The following CHST8 variants were observed in gnomAD, a reference collection of about 807,000 sequenced individuals.
CHST8 encodes carbohydrate sulfotransferase 8.
Under a neutral mutation model 15.0 loss-of-function variants are expected in CHST8, and 10 were observed. That is an observed-to-expected ratio of 0.67 (90% CI 0.41 to 1.13). CHST8 has a LOEUF of 1.13. Among genes scored for constraint, CHST8 ranks in the 50% most tolerant of loss-of-function variants. The pLI is 0.00. For synonymous variants in CHST8, 259 were observed against 256.6 expected (o/e 1.01, Z -0.09); for missense variants, 634 against 608.2 (o/e 1.04, Z -0.45).
intron 1 of CHST8, among the ~76,000 whole-genome samples, chr19:33,648,861 G>A (rs1972392137): frequency 6.9e-6 from 1 of 145,786 alleles, no homozygotes; most frequent in African/African-American, 2.5e-5. Context: ...GTGTATATCT[G>A]TACAATGCAA....
chr19:33,672,544 C>T (rs759822), intron 2 of CHST8, among the ~76,000 whole-genome samples: 25,493 of 152,112 alleles, frequency 0.17, 2,367 homozygotes, highest in Admixed American at 0.25. Flanking sequence ...CTCATGTCAG[C>T]GACGGAAAGT....
chr19:33,676,035 C>T (rs1239616055), intron 2 of CHST8, among the ~76,000 whole-genome samples: 6 of 152,024 alleles, frequency 3.9e-5, no homozygotes, highest in Non-Finnish European at 7.4e-5. Flanking sequence ...CCATTGCCTC[C>T]TCTTTCATTG....
intron 2 of CHST8, among the ~76,000 whole-genome samples, chr19:33,677,746 C>T (rs1440380675): frequency 6.6e-6 from 1 of 152,230 alleles, no homozygotes; most frequent in Non-Finnish European, 1.5e-5. Context: ...GTTACTCTCC[C>T]ACAGTCCCCT....
At chr19:33,632,385 G>C (rs1341538869) in intron 1 of CHST8, among the ~76,000 whole-genome samples, 1 of 152,176 alleles carries the variant, frequency 6.6e-6, no homozygotes, top group East Asian at 1.9e-4. Flanking sequence ...GAACTCCTGA[G>C]CTCAAGCCAT....
At chr19:33,732,051 G>A (rs934700571) in intron 3 of CHST8, among the ~76,000 whole-genome samples, 1 of 152,178 alleles carries the variant, frequency 6.6e-6, no homozygotes, top group African/African-American at 2.4e-5. Context: ...AGCCAGCTCT[G>A]CCCTGCATGA....
intron 3 of CHST8, among the ~76,000 whole-genome samples, chr19:33,698,014 A>C (rs987509389): frequency 6.6e-6 from 1 of 152,168 alleles, no homozygotes; most frequent in Admixed American, 6.5e-5. Flanking sequence ...GCAGTGGCTC[A>C]TGCCTGTAAT....
At chr19:33,730,587 G>T (rs1973976642) in intron 3 of CHST8, among the ~76,000 whole-genome samples, 2 of 152,214 alleles carry the variant, frequency 1.3e-5, no homozygotes, top group African/African-American at 4.8e-5. Context: ...CCAAGAGAGG[G>T]TTATTGGATC....
At chr19:33,764,393 G>T (rs971336628) in intron 3 of CHST8, among the ~76,000 whole-genome samples, 44 of 152,332 alleles carry the variant, frequency 2.9e-4, no homozygotes, top group African/African-American at 1.0e-3. Flanking sequence ...CCAGCACTTT[G>T]CGAGGCCAAA....
chr19:33,657,499 T>C (rs1412024529), intron 1 of CHST8, among the ~76,000 whole-genome samples: 1 of 151,836 alleles, frequency 6.6e-6, no homozygotes, highest in African/African-American at 2.4e-5. Flanking sequence ...CTCGAACTCC[T>C]GACCTTAAGC....
chr19:33,685,565 C>T (rs1296744683), intron 2 of CHST8, among the ~76,000 whole-genome samples: 1 of 152,074 alleles, frequency 6.6e-6, no homozygotes, highest in African/African-American at 2.4e-5. Flanking sequence ...TGGGTGTAAG[C>T]AGGTGAAGGC....
chr19:33,637,188 A>G lies in CHST8; in HGVS notation c.-164+14892A>G, dbSNP rs118156778. 8.1e-3 allele frequency among the ~76,000 whole-genome samples: 1,232 copies of G among 152,182 alleles called. 8 individuals are homozygous for G. The highest frequency in any genetic ancestry group is 0.013 in the Non-Finnish European group (875 of 68,002). ...GCTTTTGGCTGGCTTCTTTACTGCA[A>G]CCTGTTTCATCAGCAATGTCTTTAT... On this transcript the variant is annotated intron_variant, in intron 1 of 4. Coordinates refer to ENST00000650847, the MANE Select transcript of CHST8 (RefSeq NM_001127895.2).
At chr19:33,717,237 G>A (rs1025210688) in intron 3 of CHST8, among the ~76,000 whole-genome samples, 1 of 152,216 alleles carries the variant, frequency 6.6e-6, no homozygotes, top group African/African-American at 2.4e-5. Context: ...AAGGCAGGCA[G>A]ATCACCTGAG....
intron 3 of CHST8, among the ~76,000 whole-genome samples, chr19:33,767,323 C>T (rs977355677): frequency 6.6e-6 from 1 of 152,224 alleles, no homozygotes; most frequent in African/African-American, 2.4e-5. Context: ...TGCAGGTCTT[C>T]CTCCTGTGAG....
At chr19:33,649,779 T>C (rs574688361) in intron 1 of CHST8, among the ~76,000 whole-genome samples, 2 of 152,172 alleles carry the variant, frequency 1.3e-5, no homozygotes, top group South Asian at 4.1e-4. Context: ...AGGAGAAAGT[T>C]ACTGAAATCA....
chr19:33,763,059 G>A (rs1974768793), intron 3 of CHST8, among the ~76,000 whole-genome samples: 1 of 152,126 alleles, frequency 6.6e-6, no homozygotes, highest in Admixed American at 6.5e-5. Context: ...AGTAGAGACA[G>A]GGTTTCACCA....
intron 1 of CHST8, among the ~76,000 whole-genome samples, chr19:33,666,839 A>G (rs528797008): frequency 1.3e-5 from 2 of 152,204 alleles, no homozygotes; most frequent in Admixed American, 1.3e-4. Context: ...CGTAGCTGGG[A>G]CTACAGGTGC....
intron 3 of CHST8, among the ~76,000 whole-genome samples, chr19:33,703,652 C>G (rs1486981876): frequency 6.6e-6 from 1 of 152,230 alleles, no homozygotes; most frequent in Non-Finnish European, 1.5e-5. Context: ...ATTTGTGGTG[C>G]CTTTAGGGTC....
intron 3 of CHST8, among the ~76,000 whole-genome samples, chr19:33,744,646 G>A (rs1421533475): frequency 2.0e-5 from 3 of 152,020 alleles, no homozygotes; most frequent in Non-Finnish European, 4.4e-5. Flanking sequence ...CTGCAGCCTC[G>A]AATGAACTCT....
chr19:33,705,130 C>A (rs1453760511), intron 3 of CHST8, among the ~76,000 whole-genome samples: 1 of 152,130 alleles, frequency 6.6e-6, no homozygotes, highest in Non-Finnish European at 1.5e-5. Context: ...TGGCTCCATG[C>A]CTGCTCTCCC....
Sources: allele counts gnomAD v4.1 joint callset (sites outside exome capture counted in the v4.1 genomes callset), GRCh38; gene constraint gnomAD v4.1.1; transcripts MANE v1.5; gene names NCBI Gene and HGNC (gene_info 2026-07-23, HGNC 2026-07-21).